SLMAP: variants seen among roughly 807,000 people sequenced by gnomAD.
SLMAP encodes the protein sarcolemma associated protein.
In SLMAP, 44 loss-of-function variants were observed where a neutral mutation model predicts 128.8. The observed-to-expected ratio is 0.34, with a 90% CI of 0.27 to 0.44. The LOEUF is 0.44. SLMAP is among the 20% of genes least tolerant of loss of function. SLMAP has a pLI of 1.00. For missense variants in SLMAP, 787 were observed against 985.3 expected (o/e 0.80, Z 2.69); for synonymous variants, 327 against 348.8 (o/e 0.94, Z 0.70).
intron 21 of SLMAP, among the ~76,000 whole-genome samples, chr3:57,914,900 T>C (rs984279284): frequency 2.0e-5 from 3 of 151,320 alleles, no homozygotes; most frequent in African/African-American, 7.3e-5. Context: ...TTTTTTTTTT[T>C]TTTGAGGCAG....
At chr3:57,871,129 C>G (rs1311809578) in intron 13 of SLMAP, among the ~76,000 whole-genome samples, 2 of 152,226 alleles carry the variant, frequency 1.3e-5, no homozygotes, top group Middle Eastern at 3.4e-3. Flanking sequence ...GATTAAGTGA[C>G]TCAAAAGGGA....
At chr3:57,909,288 G>T (rs2096637221) in intron 19 of SLMAP, 138 bp downstream of exon 19, 2 of 610,354 alleles carry the variant, frequency 3.3e-6, no homozygotes, top group South Asian at 4.3e-5. Flanking sequence ...GATCTCCTGA[G>T]GTCAGGAATT....
chr3:57,920,258 A>G (rs911370889), intron 22 of SLMAP, among the ~76,000 whole-genome samples: 7 of 152,244 alleles, frequency 4.6e-5, no homozygotes, highest in Admixed American at 1.3e-4. Flanking sequence ...AAAAGCTATC[A>G]TAAAGTCCAT....
At chr3:57,817,028 A>C (rs2091939597) in intron 2 of SLMAP, among the ~76,000 whole-genome samples, 1 of 152,212 alleles carries the variant, frequency 6.6e-6, no homozygotes, top group South Asian at 2.1e-4. Context: ...ATTTTGAAAG[A>C]CTTTGAAAGT....
chr3:57,896,706 A>G lies in SLMAP; in HGVS notation c.1441+115A>G, dbSNP rs1415211430. 5 of 1,270,246 alleles carry G rather than the reference A, an allele frequency of 3.9e-6. No individual in the cohort carries two copies. The Admixed American group carries it at 8.3e-5, about 21-fold the overall frequency. 78.7% of individuals were successfully genotyped at this position (1,270,246 alleles called of 1,614,324 possible). ...GTTTGGGGAAAAAAAAAACGCTTCC[A>G]TTTATCAAGTCATCCCCTTTGAATG... On this transcript the variant is annotated intron_variant, in intron 16 of 24. Transcript: ENST00000671191.
intron 2 of SLMAP, among the ~76,000 whole-genome samples, chr3:57,760,215 C>G (rs900954204): frequency 2.0e-5 from 3 of 152,234 alleles, no homozygotes; most frequent in Non-Finnish European, 2.9e-5. Context: ...GCTGGAATTA[C>G]AGGCATAAGC....
intron 14 of SLMAP, among the ~76,000 whole-genome samples, chr3:57,889,495 C>T (rs1341852390): frequency 6.6e-6 from 1 of 152,128 alleles, no homozygotes; most frequent in African/African-American, 2.4e-5. Context: ...GAAAATATGA[C>T]TTTAAATTAT....
chr3:57,908,551 A>G (rs1399371561), intron 18 of SLMAP, among the ~76,000 whole-genome samples: 2 of 152,320 alleles, frequency 1.3e-5, no homozygotes, highest in East Asian at 3.9e-4. Flanking sequence ...GAAGATTTAC[A>G]TCCCAGGAGG....
At position 57,913,252 on chromosome 3, in the gene SLMAP, A is replaced by G. The variant is rs769584378; in HGVS notation, c.2115A>G (p.Gln705=). ...RENVLLSSEL[Q]RQEKELHNSQ... ...ATGTTTTGCTATCATCAGAACTGCA[A>G]CGGCAAGAAAAAGAATTGCACAAGT... Residue 705 remains glutamine (Q), a synonymous_variant, in exon 21 of 25, where the codon CAA becomes CAG. Coordinates refer to ENST00000671191, the MANE Select transcript of SLMAP (RefSeq NM_001377540.1). The G allele has an allele frequency of 6.4e-6, 10 of 1,565,438 alleles. No homozygotes were observed. The African/African-American group carries it at 1.2e-4, about 19-fold the overall frequency.
At chr3:57,835,052 G>A (rs1242742465) in intron 3 of SLMAP, among the ~76,000 whole-genome samples, 1 of 147,710 alleles carries the variant, frequency 6.8e-6, no homozygotes, top group African/African-American at 2.5e-5. Context: ...AGCCTGGGAG[G>A]CAGAGATTGC....
chr3:57,836,919 G>T (rs1030957473), intron 3 of SLMAP, among the ~76,000 whole-genome samples: 2 of 152,090 alleles, frequency 1.3e-5, no homozygotes, highest in African/African-American at 2.4e-5. Context: ...GCAAAGCTTG[G>T]GGCCAGTTAG....
chr3:57,925,683 G>A (rs1268843841), intron 23 of SLMAP, among the ~76,000 whole-genome samples, 162 bp from the exon 24 acceptor site: 1 of 152,198 alleles, frequency 6.6e-6, no homozygotes, highest in African/African-American at 2.4e-5. Flanking sequence ...CTATCAGATT[G>A]TGTTAGATGT....
At chr3:57,786,607 A>T (rs2084184840) in intron 2 of SLMAP, among the ~76,000 whole-genome samples, 1 of 141,882 alleles carries the variant, frequency 7.0e-6, no homozygotes, top group African/African-American at 2.7e-5. Context: ...TCCAGGCTGG[A>T]GTGCAGTGGC....
chr3:57,848,979 GATT>G (rs1406296470), intron 5 of SLMAP, among the ~76,000 whole-genome samples: 3 of 151,872 alleles, frequency 2.0e-5, no homozygotes, highest in Non-Finnish European at 4.4e-5. Flanking sequence ...AAAGTGCTGG[GATT>G]ACAGGCGTGA....
chr3:57,892,783 A>AACACACACAC (rs141561615), intron 15 of SLMAP, among the ~76,000 whole-genome samples: 24 of 143,904 alleles, frequency 1.7e-4, no homozygotes, highest in Non-Finnish European at 2.1e-4. Context: ...TGTCTCTTAA[A>AACACACACAC]ACACACACAC....
chr3:57,795,137 C>T (rs1360592197), intron 2 of SLMAP, among the ~76,000 whole-genome samples: 1 of 152,178 alleles, frequency 6.6e-6, no homozygotes, highest in Non-Finnish European at 1.5e-5. Flanking sequence ...TTGTATTTCT[C>T]TAATGACTAA....
chr3:57,847,591 C>A (rs1210728055), intron 5 of SLMAP, among the ~76,000 whole-genome samples: 1 of 152,096 alleles, frequency 6.6e-6, no homozygotes, highest in East Asian at 1.9e-4. Context: ...TCAACATTTC[C>A]CAATACAGGG....
chr3:57,840,245 T>G (rs73088371), intron 3 of SLMAP, among the ~76,000 whole-genome samples: 17,632 of 152,310 alleles, frequency 0.12, 1,110 homozygotes, highest in South Asian at 0.16. Context: ...TGAGCCACCA[T>G]GCCCGGCCAA....
chr3:57,794,610 C>T (rs2086290925), intron 2 of SLMAP, among the ~76,000 whole-genome samples: 2 of 152,156 alleles, frequency 1.3e-5, no homozygotes, highest in Admixed American at 6.5e-5. Context: ...TCCCTTCAGA[C>T]CCTGGCAACC....
Sources: gnomAD v4.1 joint callset for allele counts (sites outside exome capture counted in the v4.1 genomes callset) on GRCh38, gnomAD v4.1.1 for gene constraint, MANE v1.5 for transcripts, NCBI Gene and HGNC (gene_info 2026-07-23, HGNC 2026-07-21) for gene names.